The following ADAM18 variants were observed in gnomAD, a reference collection of about 807,000 sequenced individuals.
The protein encoded by ADAM18 is disintegrin and metalloproteinase domain-containing protein 18.
A neutral mutation model predicts 94.4 loss-of-function variants in ADAM18; 117 were observed. The ratio of observed to expected loss-of-function variants is 1.24; its 90% CI spans 1.07 to 1.45. The LOEUF is 1.45. ADAM18 is among the 40% of genes most tolerant of loss of function. The pLI is 0.00. For missense variants in ADAM18, 936 were observed against 880.0 expected, an observed-to-expected ratio of 1.06 and a Z score of -0.81; for synonymous variants, 327 against 291.6, an observed-to-expected ratio of 1.12 and a Z score of -1.24.
At position 39,648,562 on chromosome 8, in the gene ADAM18, T is replaced by C. The variant is rs142344298; in HGVS notation, c.1230+35T>C. Reference sequence around the variant, plus strand: ...AAAGATTGAAACTCGAGCACAATTTTTATGTTTCTGATAAAACATAAGACA... The same window carrying C: ...AAAGATTGAAACTCGAGCACAATTTCTATGTTTCTGATAAAACATAAGACA... On this transcript the variant is annotated intron_variant, in intron 12 of 19. Transcript: ENST00000265707. The C allele has an allele frequency of 1.9e-4, 297 of 1,557,250 alleles. 3 individuals are homozygous for C. The East Asian group carries it at 5.5e-3, about 29-fold the overall frequency.
At chr8:39,649,805 T>C (rs1820477838) in intron 12 of ADAM18, among the ~76,000 whole-genome samples, 1 of 120,804 alleles carries the variant, frequency 8.3e-6, no homozygotes, top group Non-Finnish European at 1.9e-5. Flanking sequence ...TGATGGTGAG[T>C]ACCAGATTCC....
At chr8:39,613,997 A>G (rs1819358427) in intron 6 of ADAM18, among the ~76,000 whole-genome samples, 1 of 152,202 alleles carries the variant, frequency 6.6e-6, no homozygotes, top group Admixed American at 6.5e-5. Context: ...CGAACCTATC[A>G]TTGTCATCCC....
chr8:39,725,859 A>C (rs1342362855), intron 19 of ADAM18, among the ~76,000 whole-genome samples: 2 of 152,186 alleles, frequency 1.3e-5, no homozygotes, highest in Non-Finnish European at 2.9e-5. Context: ...AGTCCTTTGA[A>C]TTCATACCCA....
At chr8:39,692,526 T>C (rs1750085530) in intron 16 of ADAM18, 74 bp from the exon 17 acceptor site, 1 of 842,214 alleles carries the variant, frequency 1.2e-6, no homozygotes, top group South Asian at 2.1e-5. Context: ...TATACATATA[T>C]AGAAATCATT....
chr8:39,663,533 A>G (rs1200712211), intron 12 of ADAM18, among the ~76,000 whole-genome samples: 1 of 129,186 alleles, frequency 7.7e-6, no homozygotes, highest in Non-Finnish European at 1.6e-5. Context: ...TCACTGGTTG[A>G]GGCTGCAGTG....
chr8:39,705,167 A>G (rs1469019300), intron 17 of ADAM18, among the ~76,000 whole-genome samples: 1 of 152,024 alleles, frequency 6.6e-6, no homozygotes, highest in Non-Finnish European at 1.5e-5. Flanking sequence ...GTCTCTTTAC[A>G]CTGTACAGAA....
intron 17 of ADAM18, among the ~76,000 whole-genome samples, chr8:39,704,288 C>G (rs77855503): frequency 6.6e-6 from 1 of 152,074 alleles, no homozygotes; most frequent in Admixed American, 6.6e-5. Flanking sequence ...CTTGCATGAA[C>G]ATCGATGCAA....
At chr8:39,615,744 A>G (rs4506171) in intron 6 of ADAM18, among the ~76,000 whole-genome samples, 1 of 152,194 alleles carries the variant, frequency 6.6e-6, no homozygotes, top group Non-Finnish European at 1.5e-5. Flanking sequence ...AAGGCATTCA[A>G]ATAGGAAGAG....
intron 14 of ADAM18, among the ~76,000 whole-genome samples, chr8:39,670,572 C>T (rs539215843): frequency 5.9e-5 from 9 of 152,042 alleles, no homozygotes; most frequent in African/African-American, 9.7e-5. Flanking sequence ...AATTATACAT[C>T]GAGTGTCTAA....
intron 11 of ADAM18, among the ~76,000 whole-genome samples, chr8:39,647,427 A>G (rs1239836523): frequency 6.6e-6 from 1 of 152,140 alleles, no homozygotes; most frequent in Non-Finnish European, 1.5e-5. Context: ...TTTTTCTCCT[A>G]TCTCAGAATT....
chr8:39,616,938 A>G (rs976362374), intron 6 of ADAM18, among the ~76,000 whole-genome samples: 1 of 152,106 alleles, frequency 6.6e-6, no homozygotes, highest in Non-Finnish European at 1.5e-5. Context: ...AAGAAATATC[A>G]CTCTGAACAT....
At chr8:39,652,792 A>G (rs960589726) in intron 12 of ADAM18, among the ~76,000 whole-genome samples, 1 of 152,212 alleles carries the variant, frequency 6.6e-6, no homozygotes, top group African/African-American at 2.4e-5. Context: ...GTGTCTATCA[A>G]TAAATGAATG....
At chr8:39,681,873 C>A (rs1227570702) in intron 16 of ADAM18, among the ~76,000 whole-genome samples, 1 of 152,106 alleles carries the variant, frequency 6.6e-6, no homozygotes, top group Admixed American at 6.5e-5. Context: ...GGTGATCTAG[C>A]TTCTGACCCC....
intron 1 of ADAM18, 85 bp from the exon 2 acceptor site, chr8:39,585,191 G>T: frequency 9.8e-7 from 1 of 1,024,102 alleles, no homozygotes; most frequent in Admixed American, 2.2e-5. Context: ...GCGCCACCAT[G>T]CAGTCCGGGA....
At chr8:39,663,473 C>A (rs1401696538) in intron 12 of ADAM18, among the ~76,000 whole-genome samples, 10 of 147,708 alleles carry the variant, frequency 6.8e-5, no homozygotes, top group African/African-American at 2.2e-4. Context: ...ATTGCTTACA[C>A]CTCTGGTCCC....
At chr8:39,726,430 C>T (rs1366991335) in intron 19 of ADAM18, among the ~76,000 whole-genome samples, 2 of 151,916 alleles carry the variant, frequency 1.3e-5, no homozygotes, top group Non-Finnish European at 2.9e-5. Context: ...CCTGGCCACC[C>T]ATATATATTT....
At chr8:39,702,011 G>A (rs1822094206) in intron 17 of ADAM18, among the ~76,000 whole-genome samples, 1 of 152,152 alleles carries the variant, frequency 6.6e-6, no homozygotes, top group Non-Finnish European at 1.5e-5. Context: ...CCCAGAAATA[G>A]GATTGCTGGG....
intron 6 of ADAM18, among the ~76,000 whole-genome samples, chr8:39,625,184 A>C (rs1167359345): frequency 6.6e-6 from 1 of 152,070 alleles, no homozygotes; most frequent in East Asian, 1.9e-4. Flanking sequence ...CATGGGATGA[A>C]TTTCCAGTTT....
rs1302343680 is a variant in ADAM18 at position 39,610,574 on chromosome 8, A to C, written c.390A>C (p.Val130=). ...FENISYGIEP[V]ESSARFEHII... ...ATATCAGTTATGGAATTGAACCAGT[A>C]GAATCTTCAGCAAGATTTGAGCATA... The change falls in exon 6 of 20, where the codon GTA becomes GTC. Residue 130 remains valine, a synonymous_variant. Transcript: ENST00000265707. 1.2e-6 allele frequency: 2 copies of C among 1,611,756 alleles called. No homozygotes were observed. Among genetic ancestry groups the C allele is most frequent in the Non-Finnish European group, 1.7e-6 (2 of 1,178,622 alleles).
Sources: allele counts gnomAD v4.1 joint callset (sites outside exome capture counted in the v4.1 genomes callset), GRCh38; gene constraint gnomAD v4.1.1; transcripts MANE v1.5; gene names NCBI Gene and HGNC (gene_info 2026-07-23, HGNC 2026-07-21).